Variants in ATP2B2 observed in about 807,000 individuals in gnomAD.
ATP2B2 encodes the protein plasma membrane calcium-transporting ATPase 2.
In ATP2B2, 15 loss-of-function variants were observed where a neutral mutation model predicts 120.0. That is an observed-to-expected ratio of 0.12 (90% CI 0.08 to 0.19). The LOEUF is 0.19. Ranked by LOEUF, ATP2B2 falls within the 10% of genes least tolerant of loss-of-function variation. The pLI is 1.00. For missense variants in ATP2B2, 1,045 were observed against 1,719.8 expected (o/e 0.61, Z 6.94); for synonymous variants, 694 against 700.3 (o/e 0.99, Z 0.14).
chr3:10,483,931 G>T (rs1029922819), intron 1 of ATP2B2, among the ~76,000 whole-genome samples: 2 of 78,148 alleles, frequency 2.6e-5, no homozygotes, highest in African/African-American at 4.6e-5. Context: ...GCGGTCCAGG[G>T]ATAAAGGGGT....
intron 1 of ATP2B2, among the ~76,000 whole-genome samples, chr3:10,485,021 C>G (rs372421893): frequency 5.8e-4 from 88 of 152,248 alleles, no homozygotes; most frequent in African/African-American, 2.1e-3. Flanking sequence ...ACGCAGACCC[C>G]CTCTGTGAAA....
intron 12 of ATP2B2, 48 bp downstream of exon 12, chr3:10,371,761 T>C (rs528789640): frequency 6.2e-7 from 1 of 1,613,924 alleles, no homozygotes; most frequent in Non-Finnish European, 8.5e-7. Context: ...CTCTGTACCA[T>C]CCCATGGATG....
intron 1 of ATP2B2, among the ~76,000 whole-genome samples, chr3:10,464,897 G>A (rs1451338235): frequency 6.6e-6 from 1 of 152,236 alleles, no homozygotes; most frequent in African/African-American, 2.4e-5. Flanking sequence ...TGCTGGCAGA[G>A]CTGGGCTCAG....
At chr3:10,573,263 A>T (rs1182858845) in intron 2 of ATP2B2, among the ~76,000 whole-genome samples, 1 of 152,136 alleles carries the variant, frequency 6.6e-6, no homozygotes, top group Non-Finnish European at 1.5e-5. Flanking sequence ...TAATGCAATG[A>T]ATAATTGATT....
chr3:10,607,703 C>T (rs1228476151), intron 2 of ATP2B2, among the ~76,000 whole-genome samples: 2 of 152,218 alleles, frequency 1.3e-5, no homozygotes, highest in Admixed American at 1.3e-4. Flanking sequence ...CCCCAAGCAG[C>T]GAGGGCCAAG....
rs1043701695 is a variant in ATP2B2, at chr3:10,706,127, T to C, written c.-460+1788A>G. 2.6e-5 allele frequency among the ~76,000 whole-genome samples: 4 copies of C among 152,238 alleles called. No individual in the cohort carries two copies. The South Asian group carries it at 6.2e-4, about 24-fold the overall frequency. ...CCGCTAGCTGTGGTTGATCTCTCTG[T>C]ATTTCTAAGTGCCTCCTGACTCACA... On this transcript the variant is annotated intron_variant, in intron 1 of 21. Transcript: ENST00000646379.
intron 3 of ATP2B2, among the ~76,000 whole-genome samples, chr3:10,409,543 G>C (rs1452641412): frequency 6.6e-6 from 1 of 152,052 alleles, no homozygotes; most frequent in East Asian, 1.9e-4. Flanking sequence ...TTTCTGGCTG[G>C]CTTTCTGTTT....
At chr3:10,677,474 A>G (rs1171768176) in intron 1 of ATP2B2, among the ~76,000 whole-genome samples, 2 of 152,206 alleles carry the variant, frequency 1.3e-5, no homozygotes, top group African/African-American at 4.8e-5. Flanking sequence ...ATACTATAAT[A>G]GTGAATATGT....
intron 1 of ATP2B2, among the ~76,000 whole-genome samples, chr3:10,663,110 G>A (rs1427898369): frequency 4.0e-5 from 4 of 99,920 alleles, no homozygotes; most frequent in Admixed American, 2.8e-4. Flanking sequence ...GGGGAGGGGG[G>A]AGGGATAGCA....
intron 1 of ATP2B2, among the ~76,000 whole-genome samples, chr3:10,620,647 G>A (rs2069519487): frequency 1.3e-5 from 2 of 152,264 alleles, no homozygotes; most frequent in East Asian, 3.9e-4. Context: ...ATGCTTGATG[G>A]GAGCTGTCAC....
At chr3:10,587,958 C>T (rs564858083) in intron 2 of ATP2B2, among the ~76,000 whole-genome samples, 363 of 152,248 alleles carry the variant, frequency 2.4e-3, no homozygotes, top group African/African-American at 8.1e-3. Flanking sequence ...CAATACAAAT[C>T]CATAGTGAGA....
At chr3:10,706,213 A>G (rs1333321681) in intron 1 of ATP2B2, among the ~76,000 whole-genome samples, 1 of 152,186 alleles carries the variant, frequency 6.6e-6, no homozygotes, top group Non-Finnish European at 1.5e-5. Flanking sequence ...TGAATGAATG[A>G]GCCTCACCCC....
rs557856687 is a variant in ATP2B2 at position 10,432,410 on chromosome 3, G to A, written c.199+16935C>T. On this transcript the variant is annotated intron_variant, in intron 2 of 22. Transcript: ENST00000360273. ...TTGTTAGACAATTTAGGAAAGCCCT[G>A]GGGCAGGTATGGGAGTGGGGGTGAC... Among the ~76,000 whole-genome samples, 4 of 152,344 alleles carry A rather than the reference G, an allele frequency of 2.6e-5. No individual in the cohort carries two copies. In the South Asian group the frequency reaches 8.3e-4, roughly 32 times the overall value.
intron 1 of ATP2B2, among the ~76,000 whole-genome samples, chr3:10,698,344 GAC>G (rs2071770103): frequency 6.6e-6 from 1 of 152,194 alleles, no homozygotes; most frequent in South Asian, 2.1e-4. Context: ...ATGGCAGAAA[GAC>G]AGAAGGACCA....
upstream of ATP2B2, among the ~76,000 whole-genome samples, chr3:10,509,321 G>T (rs1395903712): frequency 6.6e-6 from 1 of 152,150 alleles, no homozygotes; most frequent in East Asian, 1.9e-4. Context: ...CTGGCTCGGG[G>T]TCTGTAGACA....
At chr3:10,656,684 T>C (rs1488242330) in intron 1 of ATP2B2, among the ~76,000 whole-genome samples, 1 of 152,184 alleles carries the variant, frequency 6.6e-6, no homozygotes, top group Non-Finnish European at 1.5e-5. Flanking sequence ...AGTGGAGAGA[T>C]GCAAAATGGA....
intron 19 of ATP2B2, among the ~76,000 whole-genome samples, chr3:10,341,852 A>G (rs547962178): frequency 6.6e-6 from 1 of 152,272 alleles, no homozygotes; most frequent in South Asian, 2.1e-4. Context: ...ACAACAGTAA[A>G]ATGTGTCCTG....
intron 1 of ATP2B2, among the ~76,000 whole-genome samples, chr3:10,492,953 G>A (rs1185966283): frequency 1.3e-5 from 2 of 152,126 alleles, no homozygotes; most frequent in African/African-American, 4.8e-5. Flanking sequence ...TACCTCCCTC[G>A]AGAGAAGGGC....
At chr3:10,662,451 C>T (rs1330479764) in intron 1 of ATP2B2, among the ~76,000 whole-genome samples, 1 of 136,894 alleles carries the variant, frequency 7.3e-6, no homozygotes, top group Admixed American at 6.9e-5. Flanking sequence ...AGACACTTCT[C>T]AAAAGAAGAC....
Sources: allele counts gnomAD v4.1 joint callset (sites outside exome capture counted in the v4.1 genomes callset), GRCh38; gene constraint gnomAD v4.1.1; transcripts MANE v1.5; gene names NCBI Gene and HGNC (gene_info 2026-07-23, HGNC 2026-07-21).